Variants in NALF1 observed in about 807,000 individuals in gnomAD.
The protein encoded by NALF1 is family with sequence similarity 155 member A.
A neutral mutation model predicts 48.4 loss-of-function variants in NALF1; 3 were observed. The ratio of observed to expected loss-of-function variants is 0.06; its 90% CI spans 0.03 to 0.16. NALF1 has a LOEUF of 0.16. Among genes scored for constraint, NALF1 ranks in the 10% least tolerant of loss-of-function variants. NALF1 has a pLI of 1.00. For synonymous variants in NALF1, 262 were observed against 245.7 expected (o/e 1.07, Z -0.62); for missense variants, 526 against 571.5 (o/e 0.92, Z 0.81).
chr13:107,609,375 G>A (rs917311840), intron 1 of NALF1, among the ~76,000 whole-genome samples: 8 of 152,164 alleles, frequency 5.3e-5, no homozygotes, highest in South Asian at 2.1e-4. Context: ...AACCAGTCCC[G>A]GGTGAGATCT....
At chr13:107,342,158 C>A (rs1882693744) in intron 1 of NALF1, among the ~76,000 whole-genome samples, 1 of 152,022 alleles carries the variant, frequency 6.6e-6, no homozygotes, top group Non-Finnish European at 1.5e-5. Context: ...GCAATCCAAA[C>A]CAAGAGAATG....
At chr13:107,821,439 G>T (rs1291976130) in intron 1 of NALF1, among the ~76,000 whole-genome samples, 1 of 152,210 alleles carries the variant, frequency 6.6e-6, no homozygotes, top group Non-Finnish European at 1.5e-5. Context: ...CTAAGGCCAT[G>T]TCGAGATTAC....
intron 1 of NALF1, among the ~76,000 whole-genome samples, chr13:107,748,070 C>T (rs1392285820): frequency 6.6e-6 from 1 of 152,044 alleles, no homozygotes; most frequent in Non-Finnish European, 1.5e-5. Context: ...AAATTCAATC[C>T]CAACTACAAT....
intron 1 of NALF1, among the ~76,000 whole-genome samples, chr13:107,549,026 T>C (rs1229088669): frequency 7.2e-5 from 11 of 152,166 alleles, no homozygotes; most frequent in Non-Finnish European, 1.6e-4. Context: ...ATGTGTAATA[T>C]GAGCTTTTAC....
intron 1 of NALF1, among the ~76,000 whole-genome samples, chr13:107,410,069 A>C (rs901206868): frequency 6.6e-6 from 1 of 152,240 alleles, no homozygotes; most frequent in Non-Finnish European, 1.5e-5. Flanking sequence ...GTTTTATGGA[A>C]ATTTTATGAA....
chr13:107,293,624 GA>G (rs1383071604), intron 1 of NALF1, among the ~76,000 whole-genome samples: 11 of 152,142 alleles, frequency 7.2e-5, no homozygotes, highest in Non-Finnish European at 8.8e-5. Context: ...ATGGTCACTT[GA>G]ACTGGCCATT....
At chr13:107,279,347 CCGGG>C (rs1158973243) in intron 1 of NALF1, among the ~76,000 whole-genome samples, 1 of 152,058 alleles carries the variant, frequency 6.6e-6, no homozygotes, top group East Asian at 1.9e-4. Flanking sequence ...CCTCTGCCAC[CCGGG>C]TTCAAGCAAT....
At chr13:107,731,733 T>C (rs1327998394) in intron 1 of NALF1, among the ~76,000 whole-genome samples, 2 of 152,208 alleles carry the variant, frequency 1.3e-5, no homozygotes. Flanking sequence ...GGACATGATC[T>C]CATTCCTTTT....
chr13:107,387,219 T>C (rs1042871066), intron 1 of NALF1, among the ~76,000 whole-genome samples: 4 of 152,162 alleles, frequency 2.6e-5, no homozygotes, highest in South Asian at 2.1e-4. Context: ...GATCCAAATG[T>C]GAACCTTTGA....
intron 1 of NALF1, among the ~76,000 whole-genome samples, chr13:107,333,286 C>A (rs1365246427): frequency 6.6e-6 from 1 of 152,188 alleles, no homozygotes; most frequent in East Asian, 1.9e-4. Context: ...CTGTAAGCCA[C>A]ATCACAGAAT....
intron 2 of NALF1, among the ~76,000 whole-genome samples, chr13:107,197,755 T>G (rs933674133): frequency 6.6e-6 from 1 of 152,212 alleles, no homozygotes; most frequent in Non-Finnish European, 1.5e-5. Flanking sequence ...CACTTGCTTT[T>G]GTGTGTGTGC....
intron 1 of NALF1, among the ~76,000 whole-genome samples, chr13:107,559,940 A>AG (rs1229994843): frequency 6.6e-6 from 1 of 152,164 alleles, no homozygotes; most frequent in African/African-American, 2.4e-5. Context: ...CTTGGACTAA[A>AG]GGGGGATCCA....
At chr13:107,520,790 T>C (rs1316578706) in intron 1 of NALF1, among the ~76,000 whole-genome samples, 2 of 152,146 alleles carry the variant, frequency 1.3e-5, no homozygotes, top group Non-Finnish European at 2.9e-5. Context: ...CCCAGTCTTC[T>C]AGAATGCTTC....
chr13:107,589,290 G>C (rs1238947260), intron 1 of NALF1, among the ~76,000 whole-genome samples: 1 of 151,946 alleles, frequency 6.6e-6, no homozygotes, highest in Non-Finnish European at 1.5e-5. Flanking sequence ...TAAAATCTTG[G>C]ATGTTCTTCG....
Position 107,169,641 on chromosome 13 carries a change from T to A in NALF1, c.*856A>T, listed in dbSNP as rs72664779. On this transcript the variant is annotated 3_prime_UTR_variant, in exon 3 of 3. Transcript: ENST00000375915. ...CAATACAGTTCATGATAGTTTTTTTTAATTTTTTCCTTTTATTTTGTTTTC... is the reference window on the plus strand; with the variant it reads ...CAATACAGTTCATGATAGTTTTTTTAAATTTTTTCCTTTTATTTTGTTTTC... 0.11 allele frequency: 16,250 copies of A among 152,428 alleles called. 880 individuals carry two copies. The highest frequency in any genetic ancestry group is 0.13 in the South Asian group (646 of 4,830). The allele number at this position is 152,428 out of a possible 1,614,324, so 9.4% of individuals were successfully genotyped here. A position where few individuals can be genotyped will look rare whatever the true frequency, so the allele number is the denominator to read the frequency against.
intron 1 of NALF1, among the ~76,000 whole-genome samples, chr13:107,256,230 C>T (rs1297708145): frequency 6.6e-6 from 1 of 152,156 alleles, no homozygotes; most frequent in Admixed American, 6.5e-5. Flanking sequence ...GCTGTCTGCG[C>T]TCTTGAGATT....
chr13:107,746,198 TGAA>T, intron 1 of NALF1, among the ~76,000 whole-genome samples: 1 of 152,322 alleles, frequency 6.6e-6, no homozygotes, highest in South Asian at 2.1e-4. Context: ...TGTCACCTTG[TGAA>T]GAAGGACACG....
chr13:107,770,115 G>A (rs996303297), intron 1 of NALF1, among the ~76,000 whole-genome samples: 3 of 151,980 alleles, frequency 2.0e-5, no homozygotes, highest in East Asian at 1.9e-4. Flanking sequence ...GGGTTTCGCC[G>A]TGTTAGCCAG....
intron 1 of NALF1, among the ~76,000 whole-genome samples, chr13:107,607,223 T>A (rs1423937190): frequency 6.6e-6 from 1 of 152,172 alleles, no homozygotes; most frequent in Non-Finnish European, 1.5e-5. Context: ...TAATTCTAAT[T>A]GAACAAAAAT....
Sources: allele counts gnomAD v4.1 joint callset (sites outside exome capture counted in the v4.1 genomes callset), GRCh38; gene constraint gnomAD v4.1.1; transcripts MANE v1.5; gene names NCBI Gene and HGNC (gene_info 2026-07-23, HGNC 2026-07-21).